The following AKAP12 variants were observed in gnomAD, a reference collection of about 807,000 sequenced individuals.
AKAP12 encodes the protein A-kinase anchoring protein 12, also known as A-kinase anchor protein 12.
In AKAP12, 32 loss-of-function variants were observed where a neutral mutation model predicts 79.9. That is an observed-to-expected ratio of 0.40 (90% confidence interval 0.30 to 0.54). AKAP12 has a LOEUF of 0.54. Ranked by LOEUF, AKAP12 falls within the 20% of genes least tolerant of loss-of-function variation. AKAP12 has a pLI of 0.48. For missense variants in AKAP12, 2,074 were observed against 2,177.0 expected, an observed-to-expected ratio of 0.95 and a Z score of 0.94; for synonymous variants, 808 against 857.0, an observed-to-expected ratio of 0.94 and a Z score of 1.00.
chr6:151,329,716 C>T (rs1582885632), intron 3 of AKAP12, among the ~76,000 whole-genome samples: 1 of 152,120 alleles, frequency 6.6e-6, no homozygotes, highest in Admixed American at 6.5e-5. Context: ...GATACTTTCA[C>T]AACTGCTGGA....
intron 3 of AKAP12, among the ~76,000 whole-genome samples, chr6:151,343,662 T>C (rs1778006532): frequency 6.6e-6 from 1 of 152,110 alleles, no homozygotes; most frequent in Non-Finnish European, 1.5e-5. Context: ...CAGCCACCTG[T>C]AATCCCAGCT....
intron 3 of AKAP12, among the ~76,000 whole-genome samples, chr6:151,326,489 T>TAA (rs746340831): frequency 1.0e-3 from 84 of 80,314 alleles, no homozygotes; most frequent in East Asian, 5.9e-3. Context: ...CAACAAATAG[T>TAA]AAAAAAAAAA....
At chr6:151,306,282 C>G (rs931688468) in intron 3 of AKAP12, among the ~76,000 whole-genome samples, 10 of 152,170 alleles carry the variant, frequency 6.6e-5, no homozygotes, top group African/African-American at 2.4e-4. Context: ...CATTGCAAGG[C>G]ACGTACCCCT....
chr6:151,248,716 A>G (rs541357315), intron 2 of AKAP12, among the ~76,000 whole-genome samples: 28 of 152,296 alleles, frequency 1.8e-4, no homozygotes, highest in East Asian at 3.9e-4. Context: ...CTGGCCGGGC[A>G]TGGTGGCTCA....
In AKAP12 at chr6:151,351,353, G is replaced by A. The variant is rs778567240; in HGVS notation, c.2962G>A (p.Glu988Lys). 1.6e-5 allele frequency: 26 copies of A among 1,614,102 alleles called. No individual in the cohort carries two copies. The highest frequency in any genetic ancestry group is 9.9e-5 in the South Asian group (9 of 91,086). Reference protein sequence around the residue: ...AAETAGPLGAEEGTEASAAEE... With the variant: ...AAETAGPLGAKEGTEASAAEE... The stretch of plus-strand genomic sequence containing the variant: ...AGAAACTGCAGGGCCATTGGGTGCC[G>A]AAGAAGGAACCGAAGCATCTGCTGC... The change falls in exon 4 of 5, where the codon GAA becomes AAA. Residue 988 changes from glutamate to lysine, a missense_variant. Transcript: ENST00000402676. The surrounding 1 kb of genome is among the most constrained non-coding windows in gnomAD (Gnocchi z 4.4).
chr6:151,284,263 C>T (rs977010582), intron 2 of AKAP12, among the ~76,000 whole-genome samples: 3 of 152,142 alleles, frequency 2.0e-5, no homozygotes, highest in African/African-American at 7.2e-5. Flanking sequence ...CACGTTGAGT[C>T]ATGTCGTTAC....
At chr6:151,305,945 C>A (rs753676567) in intron 3 of AKAP12, 42 bp downstream of exon 3, 1 of 1,559,938 alleles carries the variant, frequency 6.4e-7, no homozygotes. Flanking sequence ...ACAGCACTTG[C>A]AACAAACTTT....
rs796208815 is a variant in AKAP12, at chr6:151,351,282, C to T, written c.2891C>T (p.Thr964Met). 1.7e-5 allele frequency: 27 copies of T among 1,614,178 alleles called. No individual in the cohort carries two copies. The highest frequency in any genetic ancestry group is 6.7e-5 in the East Asian group (3 of 44,876). ...GAGAACAGAGAGGCCCGGGGCGACACGGTCGTTAGTGAGGCGGAATTGACC... is the reference window on the plus strand; with the variant it reads ...GAGAACAGAGAGGCCCGGGGCGACATGGTCGTTAGTGAGGCGGAATTGACC... Reference protein sequence around the residue: ...LPENREARGDTVVSEAELTPE... With the variant: ...LPENREARGDMVVSEAELTPE... The change falls in exon 4 of 5, where the codon ACG becomes ATG. Residue 964 changes from threonine to methionine, a missense_variant. This residue lies in a region of AKAP12 where 1,428 missense variants were observed against 1,451.0 expected (regional missense o/e 0.98). Coordinates refer to ENST00000402676, the MANE Select transcript of AKAP12 (RefSeq NM_005100.4). The surrounding 1 kb of genome is among the most constrained non-coding windows in gnomAD (Gnocchi z 4.4).
At chr6:151,345,928 T>TGA (rs1235285184) in intron 3 of AKAP12, among the ~76,000 whole-genome samples, 3 of 110,736 alleles carry the variant, frequency 2.7e-5, no homozygotes, top group African/African-American at 9.6e-5. Flanking sequence ...TGTGTGTGTG[T>TGA]GTGTGAGAGA....
intron 2 of AKAP12, among the ~76,000 whole-genome samples, chr6:151,262,979 A>G (rs569858056): frequency 1.2e-4 from 19 of 152,160 alleles, no homozygotes; most frequent in Non-Finnish European, 2.6e-4. Context: ...CTTTGCCTGC[A>G]TGTAAAAGGT....
chr6:151,348,496 G>A (rs1040630371), intron 3 of AKAP12: 1 of 615,118 alleles, frequency 1.6e-6, no homozygotes, highest in Non-Finnish European at 2.9e-6. Flanking sequence ...AAACTTAGCT[G>A]GACATGGTGG....
intron 3 of AKAP12, among the ~76,000 whole-genome samples, chr6:151,340,873 C>T (rs1455407966): frequency 2.0e-5 from 3 of 152,096 alleles, no homozygotes; most frequent in East Asian, 1.9e-4. Context: ...GATTAGATGC[C>T]GTTAAACATT....
chr6:151,305,145 A>G (rs1054857675), intron 2 of AKAP12, among the ~76,000 whole-genome samples: 2 of 148,672 alleles, frequency 1.3e-5, no homozygotes, highest in Admixed American at 1.3e-4. Context: ...GAAGTCCTGG[A>G]CACCCCCAGC....
chr6:151,305,851 C>A lies in AKAP12; in HGVS notation c.267C>A (p.Asn89Lys), dbSNP rs753998304. Residue 89 changes from asparagine to lysine, a missense_variant, in exon 3 of 5, where the codon AAC becomes AAA. By Grantham distance (94) the Asn-to-Lys change is moderately conservative. Transcript: ENST00000402676. ...TAAATGGCCAGAAAGGAGCCCTGAA[C>A]GGTCAAGGAGCCCTAAACAGCCAGG... ...GDLNGQKGALNGQGALNSQEE... is the reference protein window; with the variant it reads ...GDLNGQKGALKGQGALNSQEE... The A allele has an allele frequency of 6.2e-7, 1 of 1,613,792 alleles. No individual in the cohort carries two copies.
chr6:151,286,579 TTA>T (rs1284546332), intron 2 of AKAP12, among the ~76,000 whole-genome samples: 2 of 152,232 alleles, frequency 1.3e-5, no homozygotes, highest in African/African-American at 4.8e-5. Context: ...TCACTAGCAG[TTA>T]TAGTCTATAC....
chr6:151,337,206 T>A (rs552243066), intron 3 of AKAP12, among the ~76,000 whole-genome samples: 50 of 151,912 alleles, frequency 3.3e-4, no homozygotes, highest in East Asian at 7.7e-4. Context: ...AGTGATTTTT[T>A]AAAAAAAATA....
intron 2 of AKAP12, among the ~76,000 whole-genome samples, chr6:151,259,856 C>T (rs1405743410): frequency 6.6e-6 from 1 of 151,886 alleles, no homozygotes. Context: ...GGATTACAGG[C>T]ATGAGCCACT....
At chr6:151,289,544 A>T (rs2347434) in intron 2 of AKAP12, among the ~76,000 whole-genome samples, 85,979 of 152,210 alleles carry the variant, frequency 0.56, 24,577 homozygotes, top group Admixed American at 0.63. Context: ...TCTCGTACAT[A>T]GTCACTTCTT....
chr6:151,322,427 T>C (rs532096808), intron 3 of AKAP12, among the ~76,000 whole-genome samples: 111 of 152,324 alleles, frequency 7.3e-4, no homozygotes, highest in African/African-American at 2.4e-3. Context: ...TTTATAAATA[T>C]TTTTAGTTTC....
Sources: allele counts gnomAD v4.1 joint callset (sites outside exome capture counted in the v4.1 genomes callset), GRCh38; gene constraint gnomAD v4.1.1; regional missense constraint gnomAD v4.1.1; non-coding constraint Gnocchi (gnomAD v3.1); transcripts MANE v1.5; gene names NCBI Gene and HGNC (gene_info 2026-07-23, HGNC 2026-07-21).